VPS13B: variants seen among roughly 807,000 people sequenced by gnomAD.
VPS13B encodes intermembrane lipid transfer protein VPS13B.
In VPS13B, 285 loss-of-function variants were observed where a neutral mutation model predicts 426.4. The ratio of observed to expected loss-of-function variants is 0.67; its 90% CI spans 0.61 to 0.74. The LOEUF is 0.74. Among genes scored for constraint, VPS13B ranks in the 30% least tolerant of loss-of-function variants. The pLI is 0.00. For missense variants in VPS13B, 4,537 were observed against 4,782.6 expected (o/e 0.95, Z 1.51); for synonymous variants, 1,676 against 1,676.4 (o/e 1.00, Z 0.01).
chr8:99,398,347 A>G lies in VPS13B; in HGVS notation c.3082+6643A>G, dbSNP rs143942238. 2.6e-5 allele frequency among the ~76,000 whole-genome samples: 4 copies of G among 152,346 alleles called. No homozygotes were observed. In the East Asian group the frequency reaches 5.8e-4, roughly 22 times the overall value. ...ATTATGAGAAGTAGGCAACAAAGCTACATGTATATGTGTGACACAATTCCA... is the reference window on the plus strand; with the variant it reads ...ATTATGAGAAGTAGGCAACAAAGCTGCATGTATATGTGTGACACAATTCCA... On this transcript the variant is annotated intron_variant, in intron 21 of 61. Transcript: ENST00000357162.
chr8:99,853,504 C>T lies in VPS13B; in HGVS notation c.10115C>T (p.Ala3372Val), dbSNP rs753591072. ...FKMFITQLSL[A>V]VFDDLTHHKA... ...ATGTTCATCACTCAGTTAAGCCTGG[C>T]AGTGTTTGATGACCTCACCCACCAC... The change falls in exon 56 of 62, where the codon GCA becomes GTA. Residue 3372 changes from alanine (A) to valine (V), a missense_variant. Ala to Val is a moderately conservative substitution (Grantham distance 64). This residue lies in a region of VPS13B where 4,311 missense variants were observed against 4,474.3 expected (regional missense o/e 0.96). Transcript: ENST00000357162. The T allele has an allele frequency of 6.2e-6, 10 of 1,614,044 alleles. No individual in the cohort carries two copies. The highest frequency in any genetic ancestry group is 8.5e-6 in the Non-Finnish European group (10 of 1,180,034).
In VPS13B at chr8:99,766,958, C is replaced by G. The variant is rs780093448; in HGVS notation, c.7235C>G (p.Ala2412Gly). ...RIVLNSSQNG[A>G]DDQSSASESG... ...GTCTTGAACAGCAGTCAAAATGGAGCTGATGACCAAAGGTAATTCATTGAA... is the reference window on the plus strand; with the variant it reads ...GTCTTGAACAGCAGTCAAAATGGAGGTGATGACCAAAGGTAATTCATTGAA... The change falls in exon 40 of 62, where the codon GCT (alanine) becomes GGT (glycine). Residue 2412 changes from alanine to glycine, a missense_variant. Physicochemically the swap from Ala to Gly is moderately conservative, Grantham distance 60. This residue lies in a region of VPS13B where 4,311 missense variants were observed against 4,474.3 expected (regional missense o/e 0.96). Coordinates refer to ENST00000357162, the MANE Select transcript of VPS13B (RefSeq NM_152564.5). 2.5e-6 allele frequency: 4 copies of G among 1,613,684 alleles called. No homozygotes were observed. The highest frequency in any genetic ancestry group is 3.4e-6 in the Non-Finnish European group (4 of 1,179,826).
chr8:99,178,633 A>G (rs912618875), intron 16 of VPS13B, among the ~76,000 whole-genome samples: 1 of 151,774 alleles, frequency 6.6e-6, no homozygotes, highest in Non-Finnish European at 1.5e-5. Context: ...TTATTTTTCT[A>G]TATTTTGAGA....
intron 16 of VPS13B, among the ~76,000 whole-genome samples, chr8:99,174,019 T>C (rs1194001203): frequency 6.6e-6 from 1 of 152,248 alleles, no homozygotes; most frequent in Non-Finnish European, 1.5e-5. Context: ...ACTTTCTGTC[T>C]CTATAAATTT....
At chr8:99,183,678 A>C (rs1813066688) in intron 16 of VPS13B, among the ~76,000 whole-genome samples, 1 of 152,090 alleles carries the variant, frequency 6.6e-6, no homozygotes. Flanking sequence ...ACTAATATAT[A>C]AATATATTTT....
At chr8:99,683,221 C>T (rs1421970427) in intron 35 of VPS13B, among the ~76,000 whole-genome samples, 1 of 152,180 alleles carries the variant, frequency 6.6e-6, no homozygotes, top group Non-Finnish European at 1.5e-5. Flanking sequence ...CATATACCCT[C>T]TCCAAAACTA....
chr8:99,854,349 C>A (rs1042686494), intron 56 of VPS13B, 93 bp downstream of exon 56: 10 of 1,409,964 alleles, frequency 7.1e-6, no homozygotes, highest in Non-Finnish European at 9.7e-6. Context: ...CCTAAAGAAG[C>A]AATTGGCAAG....
At chr8:99,349,533 G>A (rs919541583) in intron 19 of VPS13B, among the ~76,000 whole-genome samples, 1 of 151,980 alleles carries the variant, frequency 6.6e-6, no homozygotes, top group Non-Finnish European at 1.5e-5. Context: ...AATACATGAT[G>A]CCTGGTTAAA....
intron 17 of VPS13B, among the ~76,000 whole-genome samples, chr8:99,252,982 A>T (rs1454548737): frequency 6.6e-6 from 1 of 152,072 alleles, no homozygotes; most frequent in Non-Finnish European, 1.5e-5. Context: ...CAATTAAGCA[A>T]TCATTCCCCA....
chr8:99,147,553 A>ATT (rs1409498182), intron 13 of VPS13B, among the ~76,000 whole-genome samples: 2 of 152,118 alleles, frequency 1.3e-5, no homozygotes, highest in African/African-American at 4.8e-5. Context: ...TCTCAATGGT[A>ATT]TTTTACTGAC....
intron 31 of VPS13B, among the ~76,000 whole-genome samples, chr8:99,573,032 T>G (rs1825567957): frequency 6.6e-6 from 1 of 152,238 alleles, no homozygotes; most frequent in Admixed American, 6.5e-5. Flanking sequence ...GTGGTTTTGT[T>G]TTGCATTTCT....
At chr8:99,589,336 C>G (rs1402359476) in intron 33 of VPS13B, among the ~76,000 whole-genome samples, 3 of 151,612 alleles carry the variant, frequency 2.0e-5, no homozygotes, top group Non-Finnish European at 4.4e-5. Context: ...GGTATATCTC[C>G]TAATGCTATC....
intron 19 of VPS13B, among the ~76,000 whole-genome samples, chr8:99,300,962 G>A (rs988422922): frequency 1.3e-5 from 2 of 148,436 alleles, no homozygotes; most frequent in African/African-American, 5.0e-5. Context: ...GGTGGCGTGT[G>A]CCTGTAATCC....
At chr8:99,507,578 TTA>T (rs1204866983) in intron 28 of VPS13B, among the ~76,000 whole-genome samples, 1 of 152,252 alleles carries the variant, frequency 6.6e-6, no homozygotes, top group African/African-American at 2.4e-5. Context: ...CTAAAAGCAA[TTA>T]TTTTTTGTTT....
intron 4 of VPS13B, among the ~76,000 whole-genome samples, chr8:99,098,732 A>C (rs1427442406): frequency 6.6e-6 from 1 of 152,128 alleles, no homozygotes; most frequent in African/African-American, 2.4e-5. Context: ...ACTTTATTCC[A>C]ATCACATTTT....
intron 30 of VPS13B, among the ~76,000 whole-genome samples, chr8:99,552,182 A>G (rs1824312984): frequency 2.0e-5 from 3 of 151,814 alleles, no homozygotes; most frequent in Non-Finnish European, 4.4e-5. Context: ...TTGTAGTTCT[A>G]CATGGTTCTT....
At chr8:99,515,017 G>A (rs1252468912) in intron 29 of VPS13B, among the ~76,000 whole-genome samples, 2 of 152,158 alleles carry the variant, frequency 1.3e-5, no homozygotes, top group African/African-American at 4.8e-5. Flanking sequence ...GCAGCTCTGT[G>A]GTGAGGCAGA....
At chr8:99,197,418 T>C (rs544036525) in intron 17 of VPS13B, among the ~76,000 whole-genome samples, 2 of 152,338 alleles carry the variant, frequency 1.3e-5, no homozygotes, top group East Asian at 3.9e-4. Flanking sequence ...GTAGAATTCA[T>C]CCAGTCCAGA....
At chr8:99,512,586 T>A (rs938192241) in intron 29 of VPS13B, among the ~76,000 whole-genome samples, 1 of 152,186 alleles carries the variant, frequency 6.6e-6, no homozygotes, top group Non-Finnish European at 1.5e-5. Context: ...TTGGGGAGAT[T>A]GTCAAACTGT....
Sources: allele counts gnomAD v4.1 joint callset (sites outside exome capture counted in the v4.1 genomes callset), GRCh38; gene constraint gnomAD v4.1.1; regional missense constraint gnomAD v4.1.1; transcripts MANE v1.5; gene names NCBI Gene and HGNC (gene_info 2026-07-23, HGNC 2026-07-21).